The following CTNND2 variants were observed in gnomAD, a reference collection of about 807,000 sequenced individuals.
CTNND2 encodes the protein catenin delta-2.
CTNND2 carries 22 observed loss-of-function variants against 144.4 expected under a neutral mutation model. The observed-to-expected ratio is 0.15, with a 90% CI of 0.11 to 0.22. The LOEUF (loss-of-function observed/expected upper bound fraction) is 0.22, where lower values mean the gene tolerates loss of function less well. Ranked by LOEUF, CTNND2 falls within the 10% of genes least tolerant of loss-of-function variation. The pLI is 1.00. For missense variants in CTNND2, 1,353 were observed against 1,618.8 expected, an observed-to-expected ratio of 0.84 and a Z score of 2.82; for synonymous variants, 751 against 695.6, an observed-to-expected ratio of 1.08 and a Z score of -1.25.
At chr5:11,538,362 C>T (rs967258566) in intron 3 of CTNND2, among the ~76,000 whole-genome samples, 2 of 152,156 alleles carry the variant, frequency 1.3e-5, no homozygotes, top group Admixed American at 1.3e-4. Context: ...AAGTAATGCC[C>T]ATTAAAAGGA....
intron 2 of CTNND2, among the ~76,000 whole-genome samples, chr5:11,654,206 G>T (rs1298167129): frequency 6.6e-6 from 1 of 151,974 alleles, no homozygotes; most frequent in East Asian, 1.9e-4. Context: ...TTTTGCTCAA[G>T]ATTGCTTTGC....
intron 11 of CTNND2, among the ~76,000 whole-genome samples, chr5:11,163,273 G>A (rs1758976012): frequency 6.6e-6 from 1 of 152,154 alleles, no homozygotes; most frequent in South Asian, 2.1e-4. Context: ...CAATTGTCAT[G>A]CCATCATGAG....
intron 18 of CTNND2, among the ~76,000 whole-genome samples, chr5:11,011,544 G>A (rs908778821): frequency 6.6e-6 from 1 of 152,172 alleles, no homozygotes; most frequent in Non-Finnish European, 1.5e-5. Flanking sequence ...TTCATTCGGA[G>A]AGATACTGAG....
At chr5:11,175,507 C>T (rs1358805722) in intron 11 of CTNND2, among the ~76,000 whole-genome samples, 4 of 152,138 alleles carry the variant, frequency 2.6e-5, no homozygotes, top group African/African-American at 7.2e-5. Flanking sequence ...ACACATGTTA[C>T]GGATATATTT....
intron 1 of CTNND2, among the ~76,000 whole-genome samples, chr5:11,749,764 A>G (rs1300392111): frequency 6.6e-6 from 1 of 151,996 alleles, no homozygotes; most frequent in East Asian, 1.9e-4. Flanking sequence ...TTTACATAAA[A>G]TAAGTATAAA....
At chr5:10,987,314 A>C (rs1738105160) in intron 20 of CTNND2, among the ~76,000 whole-genome samples, 1 of 152,216 alleles carries the variant, frequency 6.6e-6, no homozygotes, top group South Asian at 2.1e-4. Flanking sequence ...CGTACAGACT[A>C]TACAGTGACT....
chr5:11,752,244 G>T (rs1219238113), intron 1 of CTNND2, among the ~76,000 whole-genome samples: 1 of 151,796 alleles, frequency 6.6e-6, no homozygotes, highest in Non-Finnish European at 1.5e-5. Flanking sequence ...TGTTGCAATT[G>T]CTTTTGGTGT....
chr5:11,870,401 C>T (rs776720158), intron 1 of CTNND2, among the ~76,000 whole-genome samples: 3 of 152,144 alleles, frequency 2.0e-5, no homozygotes, highest in Admixed American at 6.5e-5. Context: ...AAAGCTGAGC[C>T]TTCTATGTAG....
At chr5:11,525,515 C>A (rs1262689783) in intron 3 of CTNND2, among the ~76,000 whole-genome samples, 1 of 152,168 alleles carries the variant, frequency 6.6e-6, no homozygotes, top group East Asian at 1.9e-4. Context: ...AACATTCCAT[C>A]ACCTACCTAT....
At chr5:11,460,399 A>G (rs2149932220) in intron 3 of CTNND2, among the ~76,000 whole-genome samples, 1 of 152,336 alleles carries the variant, frequency 6.6e-6, no homozygotes, top group South Asian at 2.1e-4. Flanking sequence ...CAATTTCCAA[A>G]TTTGATGTAT....
chr5:10,985,635 A>C (rs1470740102), intron 20 of CTNND2, among the ~76,000 whole-genome samples: 5 of 152,228 alleles, frequency 3.3e-5, no homozygotes, highest in African/African-American at 1.2e-4. Flanking sequence ...AACAAGGAAG[A>C]TGGCAGTTTT....
chr5:11,899,266 G>A (rs1737665239), intron 1 of CTNND2, among the ~76,000 whole-genome samples: 1 of 152,138 alleles, frequency 6.6e-6, no homozygotes, highest in Non-Finnish European at 1.5e-5. Flanking sequence ...AGAGAGTGAT[G>A]CTTATTAAAC....
intron 16 of CTNND2, among the ~76,000 whole-genome samples, chr5:11,024,633 C>T (rs1053734170): frequency 2.6e-5 from 4 of 152,042 alleles, no homozygotes; most frequent in South Asian, 2.1e-4. Flanking sequence ...ATTGTATATA[C>T]GGGGACATTT....
intron 2 of CTNND2, among the ~76,000 whole-genome samples, chr5:11,571,648 T>C (rs1777561274): frequency 6.6e-6 from 1 of 152,114 alleles, no homozygotes; most frequent in African/African-American, 2.4e-5. Context: ...CTTACCACTA[T>C]ACTTCATGCC....
intron 9 of CTNND2, among the ~76,000 whole-genome samples, chr5:11,341,584 C>T (rs959586810): frequency 6.6e-6 from 1 of 152,056 alleles, no homozygotes; most frequent in African/African-American, 2.4e-5. Flanking sequence ...AGAATTGGAC[C>T]CTGAAAAATA....
intron 12 of CTNND2, among the ~76,000 whole-genome samples, chr5:11,122,008 A>C (rs1754190829): frequency 6.6e-6 from 1 of 152,138 alleles, no homozygotes; most frequent in Non-Finnish European, 1.5e-5. Context: ...TGTCATTCTC[A>C]TGTTTATACC....
intron 3 of CTNND2, among the ~76,000 whole-genome samples, chr5:11,498,547 C>A (rs996186827): frequency 2.0e-5 from 3 of 152,080 alleles, no homozygotes; most frequent in African/African-American, 7.2e-5. Flanking sequence ...AGGGTACAAG[C>A]AAAACATGAT....
chr5:11,104,455 G>A (rs1402728957), intron 14 of CTNND2, among the ~76,000 whole-genome samples: 3 of 152,086 alleles, frequency 2.0e-5, no homozygotes, highest in African/African-American at 7.2e-5. Flanking sequence ...AAAAACCCAA[G>A]TCCATCCACC....
chr5:11,069,141 G>A (rs970952145), intron 16 of CTNND2, among the ~76,000 whole-genome samples: 1 of 152,206 alleles, frequency 6.6e-6, no homozygotes, highest in Non-Finnish European at 1.5e-5. Context: ...TAAAAATAGA[G>A]AAAGGTATTG....
Sources: gnomAD v4.1 joint callset for allele counts (sites outside exome capture counted in the v4.1 genomes callset) on GRCh38, gnomAD v4.1.1 for gene constraint, MANE v1.5 for transcripts, NCBI Gene and HGNC (gene_info 2026-07-23, HGNC 2026-07-21) for gene names.